MRPS28: variants seen among roughly 807,000 people sequenced by gnomAD.
MRPS28 encodes the protein mitochondrial ribosomal protein S28.
MRPS28 carries 7 observed loss-of-function variants against 10.8 expected under a neutral mutation model. The ratio of observed to expected loss-of-function variants is 0.65; its 90% CI spans 0.37 to 1.22. The LOEUF is 1.22. Among genes scored for constraint, MRPS28 ranks in the 50% most tolerant of loss-of-function variants. MRPS28 has a pLI of 0.02. For synonymous variants in MRPS28, 121 were observed against 93.3 expected (o/e 1.30, Z -1.71); for missense variants, 265 against 232.9 (o/e 1.14, Z -0.90).
chr8:79,997,572 CAA>C (rs986714773), intron 2 of MRPS28, among the ~76,000 whole-genome samples: 1 of 149,992 alleles, frequency 6.7e-6, no homozygotes, highest in African/African-American at 2.5e-5. Context: ...TTCTTAAAAA[CAA>C]AAAACTCTCT....
intron 2 of MRPS28, among the ~76,000 whole-genome samples, chr8:79,967,452 A>AT (rs1807530978): frequency 6.6e-6 from 1 of 152,090 alleles, no homozygotes; most frequent in African/African-American, 2.4e-5. Flanking sequence ...CTTTGTTCAG[A>AT]TGTCTGTTCT....
chr8:80,005,943 A>T (rs1410968708), intron 1 of MRPS28, among the ~76,000 whole-genome samples: 1 of 152,206 alleles, frequency 6.6e-6, no homozygotes, highest in Non-Finnish European at 1.5e-5. Flanking sequence ...AACTATCCTA[A>T]ATATATATGC....
chr8:79,928,819 G>A (rs866043046), intron 2 of MRPS28, among the ~76,000 whole-genome samples: 5 of 151,616 alleles, frequency 3.3e-5, no homozygotes, highest in African/African-American at 9.7e-5. Context: ...CTGAGTGGGC[G>A]GATCACCTGA....
intron 2 of MRPS28, among the ~76,000 whole-genome samples, chr8:79,919,684 G>A (rs186108599): frequency 1.3e-3 from 192 of 152,238 alleles, no homozygotes; most frequent in African/African-American, 4.4e-3. Context: ...CACAGTAAAC[G>A]GAAATTCAAG....
At position 80,003,289 on chromosome 8, in the gene MRPS28, T is replaced by C. The variant is rs116973717; in HGVS notation, c.214-109A>G. Reference sequence around the variant, plus strand: ...TTGTTGTAGCAATAATTTTAAAATATATGTGGAATTTTGCTTTAAAATGCC... The same window carrying C: ...TTGTTGTAGCAATAATTTTAAAATACATGTGGAATTTTGCTTTAAAATGCC... On this transcript the variant is annotated intron_variant, in intron 1 of 2. Coordinates refer to ENST00000276585, the MANE Select transcript of MRPS28 (RefSeq NM_014018.3). 4.6e-3 allele frequency: 4,007 copies of C among 869,538 alleles called. 21 individuals carry two copies. The highest frequency in any genetic ancestry group is 5.9e-3 in the Non-Finnish European group (3,618 of 615,486). 53.9% of individuals were successfully genotyped at this position (869,538 alleles called of 1,614,324 possible).
At chr8:79,961,102 T>C (rs1182961123) in intron 2 of MRPS28, among the ~76,000 whole-genome samples, 1 of 152,018 alleles carries the variant, frequency 6.6e-6, no homozygotes, top group Non-Finnish European at 1.5e-5. Flanking sequence ...GAATAAAAAG[T>C]TAATTCTACT....
intron 2 of MRPS28, among the ~76,000 whole-genome samples, chr8:79,992,515 A>G (rs1808394390): frequency 6.6e-6 from 1 of 152,198 alleles, no homozygotes; most frequent in South Asian, 2.1e-4. Flanking sequence ...ATGCTTGACC[A>G]CATCATTCAT....
At chr8:80,000,563 T>C (rs1808634041) in intron 2 of MRPS28, among the ~76,000 whole-genome samples, 1 of 152,140 alleles carries the variant, frequency 6.6e-6, no homozygotes, top group South Asian at 2.1e-4. Flanking sequence ...TATAATAGAA[T>C]GTGTGCATAT....
chr8:79,992,568 C>T (rs185125467), intron 2 of MRPS28, among the ~76,000 whole-genome samples: 1 of 152,118 alleles, frequency 6.6e-6, no homozygotes, highest in African/African-American at 2.4e-5. Flanking sequence ...CTGTGCTATA[C>T]GTTTATATCT....
At chr8:79,964,024 T>G (rs1807441002) in intron 2 of MRPS28, among the ~76,000 whole-genome samples, 1 of 152,142 alleles carries the variant, frequency 6.6e-6, no homozygotes, top group African/African-American at 2.4e-5. Flanking sequence ...TGTTCTTTTG[T>G]TTTTCTCTTT....
chr8:79,918,935 A>G lies in MRPS28; in HGVS notation c.*45T>C. On this transcript the variant is annotated 3_prime_UTR_variant, in exon 3 of 3. Transcript: ENST00000276585. ...ATTAGTCTAATTGCATTCTTGATGA[A>G]TAACTGACTTCAGCAAAGGAGTCAA... 2.2e-6 allele frequency: 3 copies of G among 1,371,584 alleles called. No individual in the cohort carries two copies. The highest frequency in any genetic ancestry group is 2.9e-6 in the Non-Finnish European group (3 of 1,040,208). 85.0% of individuals were successfully genotyped at this position (1,371,584 alleles called of 1,614,324 possible). A position where few individuals can be genotyped will look rare whatever the true frequency, so the allele number is the denominator to read the frequency against.
chr8:79,948,539 T>C (rs1476812886), intron 2 of MRPS28, among the ~76,000 whole-genome samples: 2 of 152,208 alleles, frequency 1.3e-5, no homozygotes, highest in Non-Finnish European at 2.9e-5. Context: ...TGGACATCTA[T>C]GTCTTATTTC....
chr8:79,919,233 TTTTAA>T (rs1323224525), intron 2 of MRPS28, 85 bp from the exon 3 acceptor site: 18 of 1,078,770 alleles, frequency 1.7e-5, no homozygotes, highest in Admixed American at 6.9e-5. Context: ...CAAATTCCAA[TTTTAA>T]TTTGTGTTAG....
chr8:79,941,318 T>C (rs1014748889), intron 2 of MRPS28, among the ~76,000 whole-genome samples: 1 of 152,098 alleles, frequency 6.6e-6, no homozygotes, highest in African/African-American at 2.4e-5. Context: ...CTTGATCCAT[T>C]CATTGCTCAG....
At chr8:79,924,603 T>C (rs921554696) in intron 2 of MRPS28, among the ~76,000 whole-genome samples, 4 of 152,220 alleles carry the variant, frequency 2.6e-5, no homozygotes, top group Non-Finnish European at 5.9e-5. Flanking sequence ...TTACAATTGA[T>C]ACAATGTAAA....
intron 1 of MRPS28, among the ~76,000 whole-genome samples, chr8:80,029,044 A>G (rs1274607421): frequency 6.6e-6 from 1 of 152,184 alleles, no homozygotes; most frequent in Non-Finnish European, 1.5e-5. Context: ...AGATTCTCCT[A>G]GAAGCTACGG....
chr8:79,973,680 A>T (rs1313419830), intron 2 of MRPS28, among the ~76,000 whole-genome samples: 1 of 152,068 alleles, frequency 6.6e-6, no homozygotes, highest in Non-Finnish European at 1.5e-5. Context: ...AGATTAAAAG[A>T]AAATTTGGCC....
chr8:80,007,139 T>C (rs1808873801), intron 1 of MRPS28, among the ~76,000 whole-genome samples: 1 of 152,106 alleles, frequency 6.6e-6, no homozygotes, highest in Non-Finnish European at 1.5e-5. Context: ...ATAAATGTAA[T>C]CCAGCACATA....
intron 1 of MRPS28, among the ~76,000 whole-genome samples, chr8:80,027,243 C>T (rs1169208211): frequency 3.9e-5 from 6 of 152,194 alleles, no homozygotes; most frequent in Non-Finnish European, 1.5e-5. Flanking sequence ...TACTCTGTAC[C>T]AGTCAATGTA....
Sources: gnomAD v4.1 joint callset for allele counts (sites outside exome capture counted in the v4.1 genomes callset) on GRCh38, gnomAD v4.1.1 for gene constraint, MANE v1.5 for transcripts, NCBI Gene and HGNC (gene_info 2026-07-23, HGNC 2026-07-21) for gene names.